Variants in CHST11 observed in about 807,000 individuals in gnomAD.
CHST11 encodes carbohydrate sulfotransferase 11.
A neutral mutation model predicts 30.4 loss-of-function variants in CHST11; 9 were observed. The observed-to-expected ratio is 0.30, with a 90% CI of 0.18 to 0.52. CHST11 has a LOEUF of 0.52. CHST11 is among the 20% of genes least tolerant of loss of function. The pLI is 0.97. For missense variants in CHST11, 348 were observed against 460.6 expected (o/e 0.76, Z 2.24); for synonymous variants, 152 against 187.8 (o/e 0.81, Z 1.56).
At chr12:104,719,165 G>C (rs1272454752) in intron 2 of CHST11, among the ~76,000 whole-genome samples, 1 of 152,134 alleles carries the variant, frequency 6.6e-6, no homozygotes, top group African/African-American at 2.4e-5. Flanking sequence ...GTGACGCCCG[G>C]AAGCAGACAC....
intron 2 of CHST11, among the ~76,000 whole-genome samples, chr12:104,666,859 G>A (rs1243404231): frequency 6.6e-6 from 1 of 151,894 alleles, no homozygotes; most frequent in African/African-American, 2.4e-5. Flanking sequence ...GGTGGGGTCT[G>A]GAGTGAGCCA....
chr12:104,744,491 T>G (rs2040373267), intron 2 of CHST11, among the ~76,000 whole-genome samples: 1 of 152,248 alleles, frequency 6.6e-6, no homozygotes. Flanking sequence ...TTATAGATGC[T>G]GGATATTAGA....
chr12:104,746,545 C>T (rs1329172080), intron 2 of CHST11, among the ~76,000 whole-genome samples: 1 of 152,192 alleles, frequency 6.6e-6, no homozygotes, highest in African/African-American at 2.4e-5. Context: ...ACCTCACCTT[C>T]AGGGCTCAAA....
At chr12:104,670,828 T>C (rs2559635) in intron 2 of CHST11, among the ~76,000 whole-genome samples, 39,077 of 146,516 alleles carry the variant, frequency 0.27, 7,041 homozygotes, top group African/African-American at 0.52. Context: ...CACACATACA[T>C]TCTCACACAC....
chr12:104,587,223 C>G (rs1438501002), intron 1 of CHST11, among the ~76,000 whole-genome samples: 1 of 152,184 alleles, frequency 6.6e-6, no homozygotes, highest in Non-Finnish European at 1.5e-5. Flanking sequence ...TCGAATCTTA[C>G]TCTTCTATTC....
chr12:104,608,673 A>T (rs899143786), intron 2 of CHST11, among the ~76,000 whole-genome samples: 31 of 152,216 alleles, frequency 2.0e-4, no homozygotes, highest in African/African-American at 7.0e-4. Flanking sequence ...AATGCAGGAC[A>T]TAACCCATTA....
chr12:104,747,121 T>C (rs1357283061), intron 2 of CHST11, among the ~76,000 whole-genome samples: 2 of 152,162 alleles, frequency 1.3e-5, no homozygotes, highest in African/African-American at 4.8e-5. Context: ...ATCTCTGGGG[T>C]GGGACTCAGT....
chr12:104,722,545 C>T (rs745435179), intron 2 of CHST11, among the ~76,000 whole-genome samples: 4 of 152,030 alleles, frequency 2.6e-5, no homozygotes, highest in Admixed American at 6.6e-5. Flanking sequence ...CCTTTGCAGA[C>T]GTTCAAAAAT....
chr12:104,663,259 G>A (rs896744564), intron 2 of CHST11, among the ~76,000 whole-genome samples: 3 of 152,210 alleles, frequency 2.0e-5, no homozygotes, highest in African/African-American at 7.2e-5. Context: ...ATTTCGCTAA[G>A]GTTGATTTCA....
At chr12:104,555,011 C>T (rs1302887898) in intron 1 of CHST11, among the ~76,000 whole-genome samples, 3 of 152,206 alleles carry the variant, frequency 2.0e-5, no homozygotes, top group Admixed American at 6.5e-5. Flanking sequence ...TTCATTCATT[C>T]ACTCACTCAG....
At chr12:104,581,779 C>G (rs1212318367) in intron 1 of CHST11, among the ~76,000 whole-genome samples, 2 of 152,186 alleles carry the variant, frequency 1.3e-5, no homozygotes, top group Non-Finnish European at 2.9e-5. Flanking sequence ...CCTGGAGCTG[C>G]CTCCCTGCAT....
At position 104,665,694 on chromosome 12, in the gene CHST11, A is replaced by G. The variant is rs182778655; in HGVS notation, c.204+63703A>G. Reference sequence around the variant, plus strand: ...TGAAAACTTGAACACTCTGCATTTAAATTTGAAACAACATACTTGGAATTT... The same window carrying G: ...TGAAAACTTGAACACTCTGCATTTAGATTTGAAACAACATACTTGGAATTT... On this transcript the variant is annotated intron_variant, in intron 2 of 2. Transcript: ENST00000303694. 1.1e-4 allele frequency among the ~76,000 whole-genome samples: 14 copies of G among 127,006 alleles called. No individual in the cohort carries two copies. In the East Asian group the frequency reaches 2.5e-3, roughly 22 times the overall value. 83.3% of individuals were successfully genotyped at this position (127,006 alleles called of 152,430 possible).
intron 1 of CHST11, among the ~76,000 whole-genome samples, chr12:104,547,928 G>C (rs1408308933): frequency 6.6e-6 from 1 of 152,202 alleles, no homozygotes; most frequent in Non-Finnish European, 1.5e-5. Flanking sequence ...ATGATGAAGA[G>C]TGTGAAGGGG....
chr12:104,460,358 G>A (rs1172120149), intron 1 of CHST11, among the ~76,000 whole-genome samples: 1 of 152,080 alleles, frequency 6.6e-6, no homozygotes, highest in Non-Finnish European at 1.5e-5. Context: ...GGTATGAGAG[G>A]AGGGAGAGAA....
At chr12:104,683,116 AG>A (rs563849406) in intron 2 of CHST11, among the ~76,000 whole-genome samples, 202 of 152,314 alleles carry the variant, frequency 1.3e-3, no homozygotes, top group African/African-American at 4.6e-3. Flanking sequence ...GGTCTTGAGC[AG>A]GAGGTGGAAT....
intron 2 of CHST11, among the ~76,000 whole-genome samples, chr12:104,608,123 C>T (rs2039024718): frequency 6.6e-6 from 1 of 152,016 alleles, no homozygotes; most frequent in African/African-American, 2.4e-5. Context: ...TCAAAGCTCC[C>T]TAAGTGATTC....
rs979855532 is a variant in CHST11 at position 104,760,640 on chromosome 12, T to C, written c.*2837T>C. On this transcript the variant is annotated 3_prime_UTR_variant, in exon 3 of 3. Transcript: ENST00000303694. ...TGGTCAGTTGTGCAAGCCTGCTCAC[T>C]GTCATGTGAAGATGGCCTTTCATCT... 4.1e-4 allele frequency: 63 copies of C among 152,364 alleles called. No individual in the cohort carries two copies. The highest frequency in any genetic ancestry group is 1.5e-3 in the African/African-American group (61 of 41,588). The allele number at this position is 152,364 out of a possible 1,614,324, so 9.4% of individuals were successfully genotyped here.
At chr12:104,611,668 A>G (rs1490332954) in intron 2 of CHST11, among the ~76,000 whole-genome samples, 1 of 152,166 alleles carries the variant, frequency 6.6e-6, no homozygotes, top group African/African-American at 2.4e-5. Context: ...GCGGCTGGCC[A>G]TCAGGGTGGA....
chr12:104,682,967 G>A (rs1299285148), intron 2 of CHST11, among the ~76,000 whole-genome samples: 1 of 152,162 alleles, frequency 6.6e-6, no homozygotes, highest in Non-Finnish European at 1.5e-5. Flanking sequence ...GTCTAATAGG[G>A]GTAAACTGTA....
Sources: gnomAD v4.1 joint callset for allele counts (sites outside exome capture counted in the v4.1 genomes callset) on GRCh38, gnomAD v4.1.1 for gene constraint, MANE v1.5 for transcripts, NCBI Gene and HGNC (gene_info 2026-07-23, HGNC 2026-07-21) for gene names.